The following KCNIP4 variants were observed in gnomAD, a reference collection of about 807,000 sequenced individuals.
The protein encoded by KCNIP4 is potassium voltage-gated channel interacting protein 4, also known as Kv channel-interacting protein 4.
A neutral mutation model predicts 34.0 loss-of-function variants in KCNIP4; 12 were observed. The observed-to-expected ratio is 0.35, with a 90% confidence interval of 0.23 to 0.57. The LOEUF (loss-of-function observed/expected upper bound fraction) is 0.57, where lower values mean the gene tolerates loss of function less well. Ranked by LOEUF, KCNIP4 falls within the 20% of genes least tolerant of loss-of-function variation. KCNIP4 has a pLI of 0.83. For missense variants in KCNIP4, 238 were observed against 311.7 expected, an observed-to-expected ratio of 0.76 and a Z score of 1.78; for synonymous variants, 124 against 102.2, an observed-to-expected ratio of 1.21 and a Z score of -1.29.
intron 3 of KCNIP4, among the ~76,000 whole-genome samples, chr4:20,840,476 A>G (rs1360111154): frequency 1.3e-5 from 2 of 152,186 alleles, no homozygotes; most frequent in Non-Finnish European, 2.9e-5. Context: ...CTTGAAATCA[A>G]GTTGGACCAT....
At chr4:21,326,830 G>A (rs1369239505) in intron 1 of KCNIP4, among the ~76,000 whole-genome samples, 2 of 151,346 alleles carry the variant, frequency 1.3e-5, no homozygotes, top group South Asian at 2.1e-4. Flanking sequence ...TTGATTTGAG[G>A]TTACTATGAG....
At chr4:21,691,871 T>C (rs1040377174) in intron 1 of KCNIP4, among the ~76,000 whole-genome samples, 2 of 151,958 alleles carry the variant, frequency 1.3e-5, no homozygotes, top group Non-Finnish European at 2.9e-5. Context: ...GCTAACTTCT[T>C]GTATCTTTAG....
chr4:21,839,908 T>C (rs190906235), intron 1 of KCNIP4, among the ~76,000 whole-genome samples: 1 of 152,236 alleles, frequency 6.6e-6, no homozygotes, highest in Admixed American at 6.5e-5. Flanking sequence ...TAAGATGCCT[T>C]GGATCTCCGT....
chr4:21,259,920 T>TGTGTGTGCGCGC lies in KCNIP4; in HGVS notation c.62-377212_62-377211insGCGCGCACACAC, dbSNP rs755266993. Among the ~76,000 whole-genome samples, 8 of 150,200 alleles carry TGTGTGTGCGCGC rather than the reference T, an allele frequency of 5.3e-5. No individual in the cohort carries two copies. The East Asian group carries it at 1.6e-3, about 30-fold the overall frequency. ...GTGTGTGTGTGTGTGTGTGTGTGTG[T>TGTGTGTGCGCGC]GCACGTGCGCTTATGTGCATTGTGC... is the stretch of plus-strand genomic sequence containing the variant. On this transcript the variant is annotated intron_variant, in intron 1 of 8. Coordinates refer to ENST00000382152, the MANE Select transcript of KCNIP4 (RefSeq NM_025221.6).
intron 1 of KCNIP4, among the ~76,000 whole-genome samples, chr4:21,865,132 A>G (rs1433683280): frequency 6.6e-6 from 1 of 152,194 alleles, no homozygotes; most frequent in East Asian, 1.9e-4. Context: ...AATTTTAAAA[A>G]AAAGCTAATT....
chr4:20,753,640 T>C lies in KCNIP4; in HGVS notation c.359-3908A>G, dbSNP rs1234976635. Among the ~76,000 whole-genome samples the C allele has an allele frequency of 2.0e-5, 3 of 152,204 alleles. No individual in the cohort carries two copies. The South Asian group carries it at 6.2e-4, about 32-fold the overall frequency. On this transcript the variant is annotated intron_variant, in intron 4 of 8. Coordinates refer to ENST00000382152, the MANE Select transcript of KCNIP4 (RefSeq NM_025221.6). ...GAGGAATAGAATCACCTTCATGTATTTGAATATACAATTCATGACATCGTT... is the reference window on the plus strand; with the variant it reads ...GAGGAATAGAATCACCTTCATGTATCTGAATATACAATTCATGACATCGTT...
intron 1 of KCNIP4, among the ~76,000 whole-genome samples, chr4:21,280,588 C>T (rs1468952370): frequency 2.0e-5 from 3 of 152,184 alleles, no homozygotes; most frequent in Non-Finnish European, 4.4e-5. Flanking sequence ...TAACACTTTT[C>T]TCTCCAAACT....
chr4:20,756,595 GTT>G, intron 4 of KCNIP4, among the ~76,000 whole-genome samples: 1 of 151,954 alleles, frequency 6.6e-6, no homozygotes, highest in Non-Finnish European at 1.5e-5. Flanking sequence ...GGTTGTCGCT[GTT>G]TTCTTCTCAT....
intron 1 of KCNIP4, among the ~76,000 whole-genome samples, chr4:21,179,313 G>A (rs16870545): frequency 0.025 from 3,775 of 152,136 alleles, 146 homozygotes; most frequent in African/African-American, 0.084. Context: ...ATTTCCCTCA[G>A]CTTCAAACAT....
chr4:21,878,479 T>C (rs1437574455), intron 1 of KCNIP4, among the ~76,000 whole-genome samples: 1 of 152,208 alleles, frequency 6.6e-6, no homozygotes, highest in Non-Finnish European at 1.5e-5. Flanking sequence ...CATATTGTTT[T>C]CTGCTATTGG....
chr4:21,303,954 T>C, intron 1 of KCNIP4: 4 of 1,608,568 alleles, frequency 2.5e-6, no homozygotes, highest in South Asian at 1.1e-5. Flanking sequence ...AGTGCTCCTC[T>C]GCCTGGCTTT....
chr4:20,864,291 T>C (rs746615134), intron 2 of KCNIP4, among the ~76,000 whole-genome samples: 1 of 151,368 alleles, frequency 6.6e-6, no homozygotes, highest in African/African-American at 2.4e-5. Flanking sequence ...TGCATATATG[T>C]ACACATATGT....
At chr4:21,345,680 C>T (rs928842326) in intron 1 of KCNIP4, among the ~76,000 whole-genome samples, 1 of 152,098 alleles carries the variant, frequency 6.6e-6, no homozygotes, top group African/African-American at 2.4e-5. Context: ...AAAAGCTGGC[C>T]TCCTCACCAA....
chr4:21,250,039 A>T lies in KCNIP4; in HGVS notation c.62-367330T>A, dbSNP rs573816097. ...ATATCCATTCAGGCTTTGAAAAGAG[A>T]TCTTATCCAAGCAATACATTTTCTG... On this transcript the variant is annotated intron_variant, in intron 1 of 8. Transcript: ENST00000382152. Among the ~76,000 whole-genome samples the T allele has an allele frequency of 2.0e-5, 3 of 152,066 alleles. No homozygotes were observed. The South Asian group carries it at 6.2e-4, about 32-fold the overall frequency.
At chr4:21,857,084 G>T (rs544573090) in intron 1 of KCNIP4, among the ~76,000 whole-genome samples, 1 of 152,348 alleles carries the variant, frequency 6.6e-6, no homozygotes, top group South Asian at 2.1e-4. Context: ...CCACCTTCAA[G>T]TGGGGAAAGG....
chr4:21,708,279 G>C (rs995918699), intron 1 of KCNIP4, among the ~76,000 whole-genome samples: 2 of 151,872 alleles, frequency 1.3e-5, no homozygotes, highest in African/African-American at 4.8e-5. Context: ...CCACTTAATT[G>C]TATTTACACT....
At chr4:21,356,865 C>T (rs1027538053) in intron 1 of KCNIP4, among the ~76,000 whole-genome samples, 14 of 152,034 alleles carry the variant, frequency 9.2e-5, no homozygotes, top group Middle Eastern at 3.4e-3. Context: ...CCAAGATAAT[C>T]GTAAGCCAAA....
chr4:20,731,257 A>ATAGAT (rs949287694), intron 8 of KCNIP4: 7 of 338,168 alleles, frequency 2.1e-5, no homozygotes, highest in Non-Finnish European at 2.9e-5. Context: ...TTTTGTAGAG[A>ATAGAT]TAGATAGGGT....
intron 1 of KCNIP4, among the ~76,000 whole-genome samples, chr4:21,596,220 T>A (rs1314195627): frequency 1.3e-5 from 2 of 152,120 alleles, no homozygotes; most frequent in Non-Finnish European, 2.9e-5. Context: ...ATTCAACTAA[T>A]ATTTATATTT....
Sources: gnomAD v4.1 joint callset for allele counts (sites outside exome capture counted in the v4.1 genomes callset) on GRCh38, gnomAD v4.1.1 for gene constraint, MANE v1.5 for transcripts, NCBI Gene and HGNC (gene_info 2026-07-23, HGNC 2026-07-21) for gene names.